ANKRD18A: variants seen among roughly 807,000 people sequenced by gnomAD.
ANKRD18A encodes the protein ankyrin repeat domain 18A.
Under a neutral mutation model 110.6 loss-of-function variants are expected in ANKRD18A, and 72 were observed. That is an observed-to-expected ratio of 0.65 (90% CI 0.54 to 0.79). The LOEUF is 0.79. Among genes scored for constraint, ANKRD18A ranks in the 30% least tolerant of loss-of-function variants. The pLI is 0.00. For synonymous variants in ANKRD18A, 305 were observed against 410.3 expected, an observed-to-expected ratio of 0.74 and a Z score of 3.10; for missense variants, 934 against 1,163.3, an observed-to-expected ratio of 0.80 and a Z score of 2.87.
Position 38,596,104 on chromosome 9 carries a change from T to C in ANKRD18A, c.1236A>G (p.Lys412=). The change falls in exon 9 of 16, where the codon AAA becomes AAG. Residue 412 remains lysine (K), a synonymous_variant. Coordinates refer to ENST00000399703, the MANE Select transcript of ANKRD18A (RefSeq NM_147195.4). ...ATTCAACTTCAGCTTCTAGTCTTTC[T>C]TTGTTGTGTTTTTCCTTCTCCAATT... ...NSELEKEKHN[K]ERLEAEVESL... 6.4e-7 allele frequency: 1 copy of C among 1,551,290 alleles called. No homozygotes were observed. Among genetic ancestry groups the C allele is most frequent in the East Asian group, 2.4e-5 (1 of 40,916 alleles).
downstream of ANKRD18A, among the ~76,000 whole-genome samples, chr9:38,570,892 A>G (rs1184048871): frequency 6.3e-4 from 96 of 152,242 alleles, no homozygotes; most frequent in Admixed American, 6.3e-3. Flanking sequence ...CTGCCTGGAC[A>G]TGCCATCTTC....
chr9:38,613,618 G>A (rs1825733971), intron 3 of ANKRD18A, among the ~76,000 whole-genome samples: 1 of 152,174 alleles, frequency 6.6e-6, no homozygotes, highest in African/African-American at 2.4e-5. Flanking sequence ...TGGACAATTA[G>A]TTCATAGGAA....
downstream of ANKRD18A, chr9:38,568,652 G>A: frequency 1.1e-6 from 1 of 879,860 alleles, no homozygotes. Flanking sequence ...TGCTCTTTGA[G>A]CCAGCTTGGC....
At chr9:38,598,261 A>T (rs1824974202) in intron 8 of ANKRD18A, among the ~76,000 whole-genome samples, 1 of 152,230 alleles carries the variant, frequency 6.6e-6, no homozygotes, top group South Asian at 2.1e-4. Context: ...CTGGTTCAGA[A>T]GGTCACATGG....
In ANKRD18A at chr9:38,615,801, T is replaced by C. The variant is rs563249366; in HGVS notation, c.322-34A>G. 1,429 of 1,588,140 alleles carry C rather than the reference T, an allele frequency of 9.0e-4. 4 individuals are homozygous for C. In the Middle Eastern group the frequency reaches 0.019, roughly 21 times the overall value. On this transcript the variant is annotated intron_variant, in intron 2 of 15. Transcript: ENST00000399703. The stretch of plus-strand genomic sequence containing the variant: ...GTTAGATAAAAAACTAGACTATAAA[T>C]TCTAAGAATTCAAAATACATATTCC...
intron 15 of ANKRD18A, chr9:38,573,075 G>A: frequency 7.1e-7 from 1 of 1,408,282 alleles, no homozygotes; most frequent in Non-Finnish European, 9.4e-7. Flanking sequence ...ATACATTTTG[G>A]CAACATACTT....
chr9:38,573,663 C>T (rs1368756195), intron 15 of ANKRD18A, among the ~76,000 whole-genome samples: 1 of 151,536 alleles, frequency 6.6e-6, no homozygotes, highest in Non-Finnish European at 1.5e-5. Flanking sequence ...TGCAGTGAGC[C>T]GAGATCGTGC....
In ANKRD18A at chr9:38,602,227, A is replaced by C. The variant is rs1192005798; in HGVS notation, c.862+932T>G. On this transcript the variant is annotated intron_variant, in intron 7 of 15. Coordinates refer to ENST00000399703, the MANE Select transcript of ANKRD18A (RefSeq NM_147195.4). ...TGTGTAGACAGTCTTTATTTTACTA[A>C]ATATTTATTGAGTTCCTGCTAAGTG... is the stretch of plus-strand genomic sequence containing the variant. Among the ~76,000 whole-genome samples the C allele has an allele frequency of 2.0e-5, 3 of 150,048 alleles. No homozygotes were observed. In the East Asian group the frequency reaches 5.9e-4, roughly 29 times the overall value.
At chr9:38,598,994 C>T (rs1563968637) in intron 8 of ANKRD18A, among the ~76,000 whole-genome samples, 4 of 152,122 alleles carry the variant, frequency 2.6e-5, no homozygotes, top group Non-Finnish European at 5.9e-5. Flanking sequence ...TATATTTTCT[C>T]GTATTTGCAT....
chr9:38,568,386 A>G (rs1363882907), downstream of ANKRD18A: 4 of 151,910 alleles, frequency 2.6e-5, no homozygotes, highest in African/African-American at 9.7e-5. Context: ...AAGAGCAACC[A>G]GCCACCTCTG....
chr9:38,593,112 C>T (rs1301205280), intron 10 of ANKRD18A, among the ~76,000 whole-genome samples: 1 of 152,188 alleles, frequency 6.6e-6, no homozygotes. Context: ...CTCAGTGAAA[C>T]TGTTTTTAAA....
At position 38,620,292 on chromosome 9, in the gene ANKRD18A, G is replaced by A. The variant is rs1441805821; in HGVS notation, c.-7C>T. The A allele has an allele frequency of 1.3e-6, 2 of 1,549,854 alleles. No homozygotes were observed. The highest frequency in any genetic ancestry group is 2.0e-5 in the Admixed American group (1 of 50,890). On this transcript the variant is annotated 5_prime_UTR_variant, in exon 1 of 16. Transcript: ENST00000399703. ...AGCTGAAGAGCTTCCTCATGGTGGC[G>A]ACTTCTCAGACGCCCACCACCCGCT...
chr9:38,601,927 G>C (rs1276776264), intron 7 of ANKRD18A, among the ~76,000 whole-genome samples: 3 of 150,328 alleles, frequency 2.0e-5, no homozygotes, highest in Non-Finnish European at 4.4e-5. Flanking sequence ...AGTTTGCAGT[G>C]AGTCTCGGTC....
intron 9 of ANKRD18A, among the ~76,000 whole-genome samples, chr9:38,594,340 C>T (rs1016333909): frequency 4.6e-5 from 7 of 152,166 alleles, no homozygotes; most frequent in Admixed American, 4.6e-4. Context: ...TCTCTGTGAA[C>T]TCTGCCACCC....
chr9:38,575,093 CA>C (rs60228502), intron 15 of ANKRD18A, among the ~76,000 whole-genome samples: 43,628 of 127,252 alleles, frequency 0.34, 6,440 homozygotes, highest in East Asian at 0.4. Flanking sequence ...GACACCATCT[CA>C]AAAAAAAAAA....
chr9:38,579,911 T>C (rs915010515), intron 12 of ANKRD18A, among the ~76,000 whole-genome samples: 1 of 152,226 alleles, frequency 6.6e-6, no homozygotes, highest in African/African-American at 2.4e-5. Flanking sequence ...CAACAGCTAA[T>C]GTATAAAATC....
chr9:38,590,780 G>A (rs1824611502), intron 10 of ANKRD18A, among the ~76,000 whole-genome samples: 3 of 152,068 alleles, frequency 2.0e-5, no homozygotes, highest in Admixed American at 6.6e-5. Context: ...TCCACCAAAT[G>A]TCTTAATCCA....
chr9:38,608,432 A>C (rs991667347), intron 5 of ANKRD18A, among the ~76,000 whole-genome samples: 11 of 151,662 alleles, frequency 7.3e-5, no homozygotes, highest in Non-Finnish European at 1.5e-4. Context: ...ACATATTTGC[A>C]TGTAACATCC....
chr9:38,618,027 T>C (rs1386996889), intron 1 of ANKRD18A, among the ~76,000 whole-genome samples: 1 of 152,134 alleles, frequency 6.6e-6, no homozygotes, highest in Admixed American at 6.5e-5. Flanking sequence ...ATATACATAA[T>C]AAAGTATATA....
Sources: allele counts gnomAD v4.1 joint callset (sites outside exome capture counted in the v4.1 genomes callset), GRCh38; gene constraint gnomAD v4.1.1; transcripts MANE v1.5; gene names NCBI Gene and HGNC (gene_info 2026-07-23, HGNC 2026-07-21).